CFAP58: variants seen among roughly 807,000 people sequenced by gnomAD.
CFAP58 encodes cilia and flagella associated protein 58, also known as cilia- and flagella-associated protein 58.
Under a neutral mutation model 119.5 loss-of-function variants are expected in CFAP58, and 88 were observed. That is an observed-to-expected ratio of 0.74 (90% CI 0.62 to 0.88). The LOEUF (loss-of-function observed/expected upper bound fraction) is 0.88, where lower values mean the gene tolerates loss of function less well. Among genes scored for constraint, CFAP58 ranks in the 40% least tolerant of loss-of-function variants. The pLI, the probability that CFAP58 is intolerant of heterozygous loss-of-function variation, is 0.00. For synonymous variants in CFAP58, 365 were observed against 366.3 expected (o/e 1.00, Z 0.04); for missense variants, 990 against 1,021.2 (o/e 0.97, Z 0.42).
In CFAP58 at chr10:104,447,812, C is replaced by A; in HGVS notation, c.2371C>A (p.Leu791Met). The change falls in exon 16 of 18, where the codon CTG becomes ATG. Residue 791 changes from leucine to methionine, a missense_variant. Coordinates refer to ENST00000369704, the MANE Select transcript of CFAP58 (RefSeq NM_001008723.2). ...RRTLHDKKQQ[L>M]KVLSSELNMY... is the part of the protein sequence containing the mutation. ...CACGCTGCATGACAAGAAGCAGCAG[C>A]TGAAAGTAAGTGGTAGCCCCTGTTC... 6.2e-7 allele frequency: 1 copy of A among 1,612,116 alleles called. No homozygotes were observed. The highest frequency in any genetic ancestry group is 1.1e-5 in the South Asian group (1 of 90,886).
chr10:104,414,046 C>T (rs959016245), intron 15 of CFAP58, among the ~76,000 whole-genome samples: 1 of 152,060 alleles, frequency 6.6e-6, no homozygotes, highest in Non-Finnish European at 1.5e-5. Flanking sequence ...AACTGGTAGG[C>T]GCCTCATAGT....
intron 12 of CFAP58, among the ~76,000 whole-genome samples, chr10:104,400,119 C>T (rs772494994): frequency 6.6e-6 from 1 of 152,078 alleles, no homozygotes; most frequent in Non-Finnish European, 1.5e-5. Context: ...ACGATACACA[C>T]ATGGGCTACA....
In CFAP58 at chr10:104,368,512, C is replaced by T; in HGVS notation, c.882C>T (p.Val294=). ...AAGAGAATGAACAGCACAGTTTGGT[C>T]TGTGAGCAGCTATCCCAGGAAAACC... The part of the protein sequence containing the change: ...LQQENEQHSL[V]CEQLSQENQQ... The change falls in exon 6 of 18, where the codon GTC becomes GTT. Residue 294 remains valine (V), a synonymous_variant. Coordinates refer to ENST00000369704, the MANE Select transcript of CFAP58 (RefSeq NM_001008723.2). 6.2e-7 allele frequency: 1 copy of T among 1,614,006 alleles called. No individual in the cohort carries two copies. The highest frequency in any genetic ancestry group is 8.5e-7 in the Non-Finnish European group (1 of 1,179,926).
intron 15 of CFAP58, among the ~76,000 whole-genome samples, chr10:104,437,029 A>G (rs1440113099): frequency 6.6e-6 from 1 of 152,204 alleles, no homozygotes; most frequent in African/African-American, 2.4e-5. Context: ...ATCCATTTCT[A>G]TCTCAGTCAT....
Position 104,357,916 on chromosome 10 carries a change from T to C in CFAP58, c.10-425T>C, listed in dbSNP as rs577321934. 6.3e-3 allele frequency among the ~76,000 whole-genome samples: 729 copies of C among 114,846 alleles called. 31 individuals carry two copies. The highest frequency in any genetic ancestry group is 9.2e-3 in the Non-Finnish European group (516 of 55,968). 75.3% of individuals were successfully genotyped at this position (114,846 alleles called of 152,430 possible). On this transcript the variant is annotated intron_variant, in intron 1 of 17. Coordinates refer to ENST00000369704, the MANE Select transcript of CFAP58 (RefSeq NM_001008723.2). ...ACATATATGTACACATATACACACA[T>C]ATATGTACACATATACACACATATA...
chr10:104,447,038 G>T (rs1403520689), intron 15 of CFAP58, among the ~76,000 whole-genome samples: 1 of 151,298 alleles, frequency 6.6e-6, no homozygotes, highest in African/African-American at 2.4e-5. Flanking sequence ...TTCAGATGGG[G>T]CCTGGAGTGC....
At position 104,370,859 on chromosome 10, in the gene CFAP58, C is replaced by A. The variant is rs759256106; in HGVS notation, c.931-36C>A. On this transcript the variant is annotated intron_variant, in intron 6 of 17. Transcript: ENST00000369704. The stretch of plus-strand genomic sequence containing the variant: ...CATCCAGTTCCTGGCTCTTCATTTA[C>A]AAAGTGACTCATTAATTCTTTCTCA... 7 of 1,578,922 alleles carry A rather than the reference C, an allele frequency of 4.4e-6. No homozygotes were observed. In the African/African-American group the frequency reaches 8.2e-5, roughly 19 times the overall value.
chr10:104,339,603 TCTTTTC>T, the CFAP58 span, among the ~76,000 whole-genome samples: 4 of 152,224 alleles, frequency 2.6e-5, no homozygotes, highest in Admixed American at 1.3e-4. Context: ...CTTTTTTTCG[TCTTTTC>T]CTTTAACACT....
chr10:104,341,970 T>C, the CFAP58 span, among the ~76,000 whole-genome samples: 1 of 152,216 alleles, frequency 6.6e-6, no homozygotes, highest in Non-Finnish European at 1.5e-5. Flanking sequence ...TTAAAAATTA[T>C]AAATTAGGAA....
intron 13 of CFAP58, among the ~76,000 whole-genome samples, chr10:104,401,256 G>A (rs1002826996): frequency 1.3e-5 from 2 of 152,176 alleles, no homozygotes; most frequent in African/African-American, 2.4e-5. Flanking sequence ...TAATAAGTCA[G>A]TATGCAAGAG....
chr10:104,392,335 C>A lies in CFAP58; in HGVS notation c.1468C>A (p.Leu490Ile), dbSNP rs759488257. The change falls in exon 10 of 18, where the codon CTA (leucine) becomes ATA (isoleucine). Residue 490 changes from leucine to isoleucine, a missense_variant. Leu to Ile is a conservative substitution (Grantham distance 5). Coordinates refer to ENST00000369704, the MANE Select transcript of CFAP58 (RefSeq NM_001008723.2). ...SEIKLKQQQN[L>I]YEAVRSDRNL... ...GATTAAATTAAAACAGCAACAGAAC[C>A]TATATGAAGCTGTGAGATCAGACAG... 6.2e-7 allele frequency: 1 copy of A among 1,611,374 alleles called. No homozygotes were observed. The highest frequency in any genetic ancestry group is 2.2e-5 in the East Asian group (1 of 44,778).
chr10:104,441,485 G>A (rs2013036758), intron 15 of CFAP58, among the ~76,000 whole-genome samples: 1 of 152,190 alleles, frequency 6.6e-6, no homozygotes, highest in Non-Finnish European at 1.5e-5. Context: ...AGGAAAGCAA[G>A]CAAACAGCCT....
chr10:104,372,235 C>A (rs2132999241), intron 7 of CFAP58, among the ~76,000 whole-genome samples: 1 of 152,194 alleles, frequency 6.6e-6, no homozygotes, highest in African/African-American at 2.4e-5. Flanking sequence ...TGCCTGTAAT[C>A]CCAGCTACTT....
intron 17 of CFAP58, 152 bp downstream of exon 17, chr10:104,450,356 C>T: frequency 2.5e-6 from 2 of 807,542 alleles, no homozygotes; most frequent in African/African-American, 1.7e-5. Flanking sequence ...AAGTTTGTAT[C>T]AGAGCAAGAT....
At chr10:104,346,403 A>G in the CFAP58 span, among the ~76,000 whole-genome samples, 63 of 151,988 alleles carry the variant, frequency 4.1e-4, no homozygotes, top group African/African-American at 1.4e-3. Context: ...GCTGGAGTGC[A>G]GTGACATAAT....
intron 15 of CFAP58, among the ~76,000 whole-genome samples, chr10:104,424,494 G>A (rs1378064874): frequency 6.6e-5 from 10 of 152,224 alleles, no homozygotes; most frequent in East Asian, 1.9e-4. Context: ...GCATTTTGGG[G>A]TATCTATAAT....
chr10:104,367,407 T>C (rs957070681), intron 5 of CFAP58, among the ~76,000 whole-genome samples: 13 of 152,216 alleles, frequency 8.5e-5, no homozygotes, highest in Non-Finnish European at 1.9e-4. Flanking sequence ...ATAGCAGTTT[T>C]ATACTCAAAA....
chr10:104,358,749 G>A (rs1315391337), intron 2 of CFAP58, 127 bp downstream of exon 2: 1 of 767,646 alleles, frequency 1.3e-6, no homozygotes, highest in East Asian at 2.8e-5. Flanking sequence ...TATTCATTAA[G>A]CCTAAGGAAT....
At chr10:104,382,824 G>A (rs183000768) in intron 9 of CFAP58, among the ~76,000 whole-genome samples, 10 of 152,292 alleles carry the variant, frequency 6.6e-5, no homozygotes, top group African/African-American at 9.6e-5. Flanking sequence ...CCCAGCCAGC[G>A]GAACTGGGAG....
Sources: gnomAD v4.1 joint callset for allele counts (sites outside exome capture counted in the v4.1 genomes callset) on GRCh38, gnomAD v4.1.1 for gene constraint, MANE v1.5 for transcripts, NCBI Gene and HGNC (gene_info 2026-07-23, HGNC 2026-07-21) for gene names.